GHR: variants seen among roughly 807,000 people sequenced by gnomAD.
GHR encodes GH receptor.
In GHR, 35 loss-of-function variants were observed where a neutral mutation model predicts 67.1. That is an observed-to-expected ratio of 0.52 (90% CI 0.40 to 0.69). GHR has a LOEUF of 0.69. GHR is among the 30% of genes least tolerant of loss of function. The pLI is 0.00. For missense variants in GHR, 792 were observed against 764.6 expected, an observed-to-expected ratio of 1.04 and a Z score of -0.42; for synonymous variants, 272 against 269.1, an observed-to-expected ratio of 1.01 and a Z score of -0.10.
At chr5:42,472,328 C>T (rs1330735857) in intron 1 of GHR, among the ~76,000 whole-genome samples, 3 of 152,220 alleles carry the variant, frequency 2.0e-5, no homozygotes, top group Non-Finnish European at 4.4e-5. Flanking sequence ...GCATTTGACA[C>T]AGTTGCCCCC....
chr5:42,594,848 C>T (rs1751984504), intron 2 of GHR, among the ~76,000 whole-genome samples: 2 of 152,116 alleles, frequency 1.3e-5, no homozygotes, highest in African/African-American at 4.8e-5. Context: ...CAACACATCC[C>T]ATTAGCTGTC....
chr5:42,476,408 A>C (rs1441372635), intron 1 of GHR, among the ~76,000 whole-genome samples: 1 of 149,750 alleles, frequency 6.7e-6, no homozygotes, highest in East Asian at 2.0e-4. Flanking sequence ...TTTAGTAGAG[A>C]CAGGGTTTCA....
chr5:42,631,578 T>C (rs994895416), intron 3 of GHR, among the ~76,000 whole-genome samples: 15 of 152,222 alleles, frequency 9.9e-5, no homozygotes, highest in African/African-American at 3.6e-4. Context: ...TTTAGCTGTG[T>C]GCCCTGAGGG....
At chr5:42,532,994 G>A (rs1036050064) in intron 1 of GHR, among the ~76,000 whole-genome samples, 1 of 152,076 alleles carries the variant, frequency 6.6e-6, no homozygotes, top group African/African-American at 2.4e-5. Flanking sequence ...ACAATTGCAT[G>A]TCTATTAGAT....
chr5:42,716,014 G>A (rs1023049796), intron 8 of GHR, among the ~76,000 whole-genome samples: 1 of 152,036 alleles, frequency 6.6e-6, no homozygotes, highest in African/African-American at 2.4e-5. Flanking sequence ...AACCACTAGC[G>A]CATGCCTGAA....
intron 2 of GHR, among the ~76,000 whole-genome samples, chr5:42,576,059 TAA>T (rs1410654039): frequency 9.2e-4 from 52 of 56,800 alleles, no homozygotes; most frequent in African/African-American, 5.7e-3. Flanking sequence ...TAAAATAAAA[TAA>T]AATAAAATAA....
chr5:42,637,231 A>T (rs1227461356), intron 3 of GHR, among the ~76,000 whole-genome samples: 3 of 152,202 alleles, frequency 2.0e-5, no homozygotes, highest in Non-Finnish European at 4.4e-5. Flanking sequence ...CCACAAACCT[A>T]AAATATTTAC....
At chr5:42,526,782 T>C (rs761054145) in intron 1 of GHR, among the ~76,000 whole-genome samples, 2 of 152,078 alleles carry the variant, frequency 1.3e-5, no homozygotes, top group Non-Finnish European at 2.9e-5. Context: ...CACATAATCA[T>C]CAGATTTTCC....
intron 2 of GHR, among the ~76,000 whole-genome samples, chr5:42,603,960 C>T (rs1310918523): frequency 6.6e-6 from 1 of 152,206 alleles, no homozygotes; most frequent in Non-Finnish European, 1.5e-5. Context: ...TTCCCACAAC[C>T]CCCTTCTGAG....
chr5:42,597,405 A>T (rs1021583529), intron 2 of GHR, among the ~76,000 whole-genome samples: 23 of 152,312 alleles, frequency 1.5e-4, no homozygotes, highest in Middle Eastern at 3.4e-3. Context: ...CTATGTTAAT[A>T]ATTGGCTTAT....
At chr5:42,506,958 GT>G (rs1561083409) in intron 1 of GHR, among the ~76,000 whole-genome samples, 1 of 152,118 alleles carries the variant, frequency 6.6e-6, no homozygotes, top group Non-Finnish European at 1.5e-5. Context: ...CTAATCTTGG[GT>G]AAATTATAAG....
chr5:42,666,200 T>A (rs544462368), intron 3 of GHR, among the ~76,000 whole-genome samples: 5 of 152,058 alleles, frequency 3.3e-5, no homozygotes, highest in African/African-American at 1.2e-4. Context: ...ATCTTAACTA[T>A]CACTTTCAAA....
rs6182 is a variant in GHR, at chr5:42,718,826, G to T, written c.1319G>T (p.Cys440Phe). 0.022 allele frequency: 36,293 copies of T among 1,614,006 alleles called. 1,923 individuals are homozygous for T. Among genetic ancestry groups the T allele is most frequent in the South Asian group, 0.17 (15,449 of 91,064 alleles). Residue 440 changes from cysteine to phenylalanine, a missense_variant, in exon 10 of 10, where the codon TGC (cysteine) becomes TTC (phenylalanine). Physicochemically the swap from Cys to Phe is radical, Grantham distance 205 (BLOSUM62 -2). Coordinates refer to ENST00000230882, the MANE Select transcript of GHR (RefSeq NM_000163.5). Reference protein sequence around the residue: ...NQNNSPYHDACPATQQPSVIQ... With the variant: ...NQNNSPYHDAFPATQQPSVIQ... ...AATAACTCACCTTATCATGATGCTTGCCCTGCTACTCAGCAGCCCAGTGTT... is the reference window on the plus strand; with the variant it reads ...AATAACTCACCTTATCATGATGCTTTCCCTGCTACTCAGCAGCCCAGTGTT...
chr5:42,490,648 C>A (rs957226760), intron 1 of GHR, among the ~76,000 whole-genome samples: 4 of 152,158 alleles, frequency 2.6e-5, no homozygotes, highest in African/African-American at 9.7e-5. Flanking sequence ...CAGATTTGTC[C>A]TTTTTTAAAA....
At chr5:42,506,030 T>A (rs72753100) in intron 1 of GHR, among the ~76,000 whole-genome samples, 10,721 of 152,212 alleles carry the variant, frequency 0.07, 471 homozygotes, top group African/African-American at 0.11. Context: ...TTAGTGATAT[T>A]TACAATAGCA....
chr5:42,489,276 G>T (rs1746012636), intron 1 of GHR, among the ~76,000 whole-genome samples: 2 of 151,442 alleles, frequency 1.3e-5, no homozygotes, highest in Admixed American at 1.3e-4. Context: ...TTTTTTAAAA[G>T]TAACTTCAAG....
chr5:42,696,886 A>T (rs1179233182), intron 5 of GHR, among the ~76,000 whole-genome samples: 1 of 152,216 alleles, frequency 6.6e-6, no homozygotes, highest in Non-Finnish European at 1.5e-5. Flanking sequence ...TAGTAGATAG[A>T]GCTGGGATTT....
At chr5:42,700,285 G>T (rs1757871868) in intron 6 of GHR, among the ~76,000 whole-genome samples, 1 of 152,116 alleles carries the variant, frequency 6.6e-6, no homozygotes, top group Non-Finnish European at 1.5e-5. Flanking sequence ...TTATAGACTG[G>T]CCACTTAGCT....
chr5:42,702,375 A>G (rs1420755519), intron 6 of GHR, among the ~76,000 whole-genome samples: 2 of 152,016 alleles, frequency 1.3e-5, no homozygotes, highest in Non-Finnish European at 2.9e-5. Context: ...AAGTGACAGG[A>G]TATCCTTCTT....
Sources: allele counts gnomAD v4.1 joint callset (sites outside exome capture counted in the v4.1 genomes callset), GRCh38; gene constraint gnomAD v4.1.1; transcripts MANE v1.5; gene names NCBI Gene and HGNC (gene_info 2026-07-23, HGNC 2026-07-21).